Variants in ITIH2 observed in about 807,000 individuals in gnomAD.
ITIH2 encodes inter-alpha-trypsin inhibitor heavy chain 2.
Under a neutral mutation model 104.4 loss-of-function variants are expected in ITIH2, and 103 were observed. That is an observed-to-expected ratio of 0.99 (90% CI 0.84 to 1.16). The LOEUF (loss-of-function observed/expected upper bound fraction) is 1.16, where lower values mean the gene tolerates loss of function less well. Ranked by LOEUF, ITIH2 falls within the 50% of genes most tolerant of loss-of-function variation. The pLI is 0.00. For missense variants in ITIH2, 1,108 were observed against 1,162.4 expected (o/e 0.95, Z 0.68); for synonymous variants, 436 against 435.4 (o/e 1.00, Z -0.02).
At chr10:7,716,208 T>C (rs1239456026) in intron 5 of ITIH2, among the ~76,000 whole-genome samples, 1 of 152,118 alleles carries the variant, frequency 6.6e-6, no homozygotes, top group East Asian at 1.9e-4. Context: ...TGTTAACTCC[T>C]GACCTCAAGT....
rs547020914 is a variant in ITIH2, at chr10:7,717,779, A to C, written c.621A>C (p.Lys207Asn). 1 of 1,610,238 alleles carries C rather than the reference A, an allele frequency of 6.2e-7. No individual in the cohort carries two copies. Among genetic ancestry groups the C allele is most frequent in the African/African-American group, 1.3e-5 (1 of 74,920 alleles). ...ATCTGCAACCTGGACGGCTGGCCAAACACTTAGAGGTAAGCCTGGATCTGT... is the reference window on the plus strand; with the variant it reads ...ATCTGCAACCTGGACGGCTGGCCAACCACTTAGAGGTAAGCCTGGATCTGT... ...RIYLQPGRLA[K>N]HLEVDVWVIE... Residue 207 changes from lysine to asparagine, a missense_variant, in exon 6 of 21, where the codon AAA becomes AAC. By Grantham distance (94) the Lys-to-Asn change is moderately conservative. Coordinates refer to ENST00000358415, the MANE Select transcript of ITIH2 (RefSeq NM_002216.3).
chr10:7,744,141 A>G lies in ITIH2; in HGVS notation c.2269A>G (p.Thr757Ala). 1 of 1,614,076 alleles carries G rather than the reference A, an allele frequency of 6.2e-7. No homozygotes were observed. The highest frequency in any genetic ancestry group is 8.5e-7 in the Non-Finnish European group (1 of 1,179,974). Residue 757 changes from threonine to alanine, a missense_variant, in exon 18 of 21, where the codon ACC (threonine) becomes GCC (alanine). By Grantham distance (58) the Thr-to-Ala change is moderately conservative. Coordinates refer to ENST00000358415, the MANE Select transcript of ITIH2 (RefSeq NM_002216.3). ...AKKPNNGKLSTYFGKLGFYFQ... is the reference protein window; with the variant it reads ...AKKPNNGKLSAYFGKLGFYFQ... ...GAAGCCCAACAATGGAAAACTAAGC[A>G]CCTATTTTGGAAAACTGGGATTTTA... is the stretch of plus-strand genomic sequence containing the variant.
At chr10:7,738,589 A>G (rs371975528) in intron 15 of ITIH2, 32 bp from the exon 16 acceptor site, 354 of 1,611,760 alleles carry the variant, frequency 2.2e-4, no homozygotes, top group Non-Finnish European at 2.8e-4. Context: ...ACGTAAATCT[A>G]GAAACTAACA....
At chr10:7,732,545 G>A (rs990773466) in intron 14 of ITIH2, 68 bp downstream of exon 14, 7 of 1,537,318 alleles carry the variant, frequency 4.6e-6, no homozygotes, top group African/African-American at 1.4e-5. Context: ...AATATATGAA[G>A]TCATACACAA....
At chr10:7,728,121 A>G (rs1353771386) in intron 11 of ITIH2, among the ~76,000 whole-genome samples, 2 of 152,158 alleles carry the variant, frequency 1.3e-5, no homozygotes, top group Non-Finnish European at 2.9e-5. Flanking sequence ...TTCTAGGGAA[A>G]TGCATCTATT....
chr10:7,708,145 G>A (rs1227976762), intron 3 of ITIH2, among the ~76,000 whole-genome samples: 1 of 152,216 alleles, frequency 6.6e-6, no homozygotes, highest in African/African-American at 2.4e-5. Flanking sequence ...TAGTCGAAAG[G>A]TTTAATGTTG....
In ITIH2 at chr10:7,737,701, TATTCTATATTATATTCTATATA is replaced by T. The variant is rs1564305709; in HGVS notation, c.1958-917_1958-896del. On this transcript the variant is annotated intron_variant, in intron 15 of 20. Coordinates refer to ENST00000358415, the MANE Select transcript of ITIH2 (RefSeq NM_002216.3). ...ATTTTCTATATTATATTCTATATAA[TATTCTATATTATATTCTATATA>T]ATATTCTATATTATATTCTATATAA... is the stretch of plus-strand genomic sequence containing the variant. Among the ~76,000 whole-genome samples the T allele has an allele frequency of 4.0e-3, 260 of 65,628 alleles. 27 individuals are homozygous for T. Among genetic ancestry groups the T allele is most frequent in the Non-Finnish European group, 5.5e-3 (230 of 41,608 alleles). 43.1% of individuals were successfully genotyped at this position (65,628 alleles called of 152,430 possible).
intron 5 of ITIH2, among the ~76,000 whole-genome samples, chr10:7,714,864 T>A (rs1232135370): frequency 1.3e-5 from 2 of 152,144 alleles, no homozygotes; most frequent in Admixed American, 1.3e-4. Context: ...GGCCTTCGTA[T>A]TCATGGGTTT....
At position 7,734,946 on chromosome 10, in the gene ITIH2, C is replaced by T. The variant is rs746838696; in HGVS notation, c.1812C>T (p.Ala604=). 2 of 1,613,128 alleles carry T rather than the reference C, an allele frequency of 1.2e-6. No individual in the cohort carries two copies. The highest frequency in any genetic ancestry group is 1.7e-6 in the Non-Finnish European group (2 of 1,179,910). ...AERSLAPTAA[A]KRRITRSILQ... ...GAAGCCTGGCTCCTACAGCTGCCGC[C>T]AAGAGAAGAATTACAAGATCGATCC... The change falls in exon 15 of 21, where the codon GCC becomes GCT. Residue 604 remains alanine (A), a synonymous_variant. Transcript: ENST00000358415.
chr10:7,714,054 C>G (rs142985716), intron 5 of ITIH2, among the ~76,000 whole-genome samples: 155 of 151,600 alleles, frequency 1.0e-3, no homozygotes, highest in African/African-American at 3.7e-3. Context: ...CCCTTATAAT[C>G]TAAGTAAGAC....
Position 7,730,028 on chromosome 10 carries a change from C to T in ITIH2, c.1356C>T (p.Gly452=). The change falls in exon 12 of 21, where the codon GGC becomes GGT. Residue 452 remains glycine (G), a synonymous_variant. Transcript: ENST00000358415. ...ACAATATCTCCTTGTTCAGTTTGGG[C>T]ATGGGATTTGATGTGGACTATGATT... ...IQDNISLFSL[G]MGFDVDYDFL... The T allele has an allele frequency of 6.2e-7, 1 of 1,612,616 alleles. No homozygotes were observed. Among genetic ancestry groups the T allele is most frequent in the Non-Finnish European group, 8.5e-7 (1 of 1,178,844 alleles).
rs1473770515 is a variant in ITIH2 at position 7,742,871 on chromosome 10, T to C, written c.2096-275T>C. Among the ~76,000 whole-genome samples, 4 of 152,232 alleles carry C rather than the reference T, an allele frequency of 2.6e-5. No homozygotes were observed. In the East Asian group the frequency reaches 5.8e-4, roughly 22 times the overall value. ...TTAAGTCTTTCTTATTCATTTTTTA[T>C]CTCTAGTATCTAGTCTAGTGCATAC... is the stretch of plus-strand genomic sequence containing the variant. On this transcript the variant is annotated intron_variant, in intron 16 of 20. Coordinates refer to ENST00000358415, the MANE Select transcript of ITIH2 (RefSeq NM_002216.3).
At chr10:7,735,280 T>C (rs929332629) in intron 15 of ITIH2, among the ~76,000 whole-genome samples, 189 bp downstream of exon 15, 19 of 152,358 alleles carry the variant, frequency 1.2e-4, no homozygotes, top group African/African-American at 4.3e-4. Flanking sequence ...TTGACCATTT[T>C]GCTCACAAGT....
intron 1 of ITIH2, 35 bp from the exon 2 acceptor site, chr10:7,705,073 A>T (rs1032387717): frequency 4.5e-6 from 6 of 1,326,996 alleles, no homozygotes; most frequent in African/African-American, 3.2e-5. Context: ...AGTATAATTA[A>T]AAAAAAAAAA....
intron 20 of ITIH2, among the ~76,000 whole-genome samples, chr10:7,746,929 A>C (rs1051460060): frequency 3.4e-4 from 51 of 152,076 alleles, no homozygotes; most frequent in African/African-American, 1.2e-3. Flanking sequence ...GCCAAGATTA[A>C]CTAACCTGTT....
intron 4 of ITIH2, among the ~76,000 whole-genome samples, chr10:7,712,402 A>G (rs7091081): frequency 0.78 from 117,889 of 152,106 alleles, 45,794 homozygotes; most frequent in Admixed American, 0.84. Flanking sequence ...AAGGTTCAAC[A>G]TGCACATTTG....
In ITIH2 at chr10:7,744,154, A is replaced by C. The variant is rs746254484; in HGVS notation, c.2282A>C (p.Lys761Thr). The C allele has an allele frequency of 1.2e-6, 2 of 1,614,146 alleles. No individual in the cohort carries two copies. Among genetic ancestry groups the C allele is most frequent in the Non-Finnish European group, 1.7e-6 (2 of 1,180,016 alleles). ...NNGKLSTYFGKLGFYFQSEDI... is the reference protein window; with the variant it reads ...NNGKLSTYFGTLGFYFQSEDI... ...GGAAAACTAAGCACCTATTTTGGAA[A>C]ACTGGGATTTTATTTCCAAAGTGAA... The change falls in exon 18 of 21, where the codon AAA (lysine) becomes ACA (threonine). Residue 761 changes from lysine to threonine, a missense_variant. Coordinates refer to ENST00000358415, the MANE Select transcript of ITIH2 (RefSeq NM_002216.3).
Position 7,705,141 on chromosome 10 carries a change from C to T in ITIH2, c.118C>T (p.Pro40Ser). The T allele has an allele frequency of 2.5e-6, 4 of 1,612,480 alleles. No individual in the cohort carries two copies. Among genetic ancestry groups the T allele is most frequent in the Non-Finnish European group, 3.4e-6 (4 of 1,179,144 alleles). The change falls in exon 2 of 21, where the codon CCA becomes TCA. Residue 40 changes from proline (P) to serine (S), a missense_variant. Pro to Ser is a moderately conservative substitution (Grantham distance 74, BLOSUM62 -1). Transcript: ENST00000358415. Reference sequence around the variant, plus strand: ...CTATGAAGATCTTGTGGAACTGGCCCCAGGCAAATTTCAATTGGTGGCAGA... The same window carrying T: ...CTATGAAGATCTTGTGGAACTGGCCTCAGGCAAATTTCAATTGGTGGCAGA... ...VDYEDLVELA[P>S]GKFQLVAENR... is the part of the protein sequence containing the mutation.
At chr10:7,732,227 C>G in intron 13 of ITIH2, 111 bp from the exon 14 acceptor site, 1 of 1,270,734 alleles carries the variant, frequency 7.9e-7, no homozygotes, top group Admixed American at 1.9e-5. Context: ...GTAGGCTTTG[C>G]CTTCCATTTC....
Sources: allele counts gnomAD v4.1 joint callset (sites outside exome capture counted in the v4.1 genomes callset), GRCh38; gene constraint gnomAD v4.1.1; transcripts MANE v1.5; gene names NCBI Gene and HGNC (gene_info 2026-07-23, HGNC 2026-07-21).